Variants in DDX50 observed in about 807,000 individuals in gnomAD.
DDX50 encodes the protein ATP-dependent RNA helicase DDX50.
A neutral mutation model predicts 94.8 loss-of-function variants in DDX50; 56 were observed. The observed-to-expected ratio is 0.59, with a 90% CI of 0.48 to 0.74. The LOEUF (loss-of-function observed/expected upper bound fraction) is 0.74, where lower values mean the gene tolerates loss of function less well. DDX50 is among the 30% of genes least tolerant of loss of function. DDX50 has a pLI of 0.00. For missense variants in DDX50, 713 were observed against 881.2 expected (o/e 0.81, Z 2.42); for synonymous variants, 264 against 295.4 (o/e 0.89, Z 1.09).
intron 8 of DDX50, among the ~76,000 whole-genome samples, chr10:68,932,540 A>G (rs1042887116): frequency 5.3e-5 from 8 of 152,186 alleles, no homozygotes; most frequent in African/African-American, 1.9e-4. Context: ...GATTACAGGC[A>G]TGAGCCACTG....
chr10:68,910,372 G>C lies in DDX50; in HGVS notation c.450G>C (p.Lys150Asn). The change falls in exon 3 of 15, where the codon AAG becomes AAC. Residue 150 changes from lysine (K) to asparagine (N), a missense_variant. By Grantham distance (94) the Lys-to-Asn change is moderately conservative (BLOSUM62 0). This residue lies in a region of DDX50 where 285 missense variants were observed against 278.9 expected (regional missense o/e 1.02). Coordinates refer to ENST00000373585, the MANE Select transcript of DDX50 (RefSeq NM_024045.2). ...TTCCTATTTCTGAAGAGACTATAAA[G>C]CTTCTGAAAGGTATGCAGTTTGGTT... ...SNFPISEETI[K>N]LLKGRGVTYL... 1 of 1,603,980 alleles carries C rather than the reference G, an allele frequency of 6.2e-7. No homozygotes were observed. Among genetic ancestry groups the C allele is most frequent in the Non-Finnish European group, 8.5e-7 (1 of 1,177,050 alleles).
At chr10:68,902,190 CAAAAAAA>C (rs35302047) in intron 1 of DDX50, among the ~76,000 whole-genome samples, 14 of 94,320 alleles carry the variant, frequency 1.5e-4, no homozygotes, top group South Asian at 4.1e-4. Context: ...CCCTGCCCTC[CAAAAAAA>C]AAAAAAAAAA....
intron 7 of DDX50, 39 bp downstream of exon 7, chr10:68,914,243 T>C (rs767161870): frequency 6.2e-7 from 1 of 1,601,228 alleles, no homozygotes; most frequent in East Asian, 2.2e-5. Flanking sequence ...TAGCTTTTAG[T>C]TGGTATTTAC....
Position 68,910,333 on chromosome 10 carries a change from A to C in DDX50, c.411A>C (p.Gly137=), listed in dbSNP as rs774489293. 13 of 1,607,202 alleles carry C rather than the reference A, an allele frequency of 8.1e-6. No homozygotes were observed. In the East Asian group the frequency reaches 2.9e-4, roughly 36 times the overall value. ...CCTTAACACGTGAACAGAAAGAAGG[A>C]GCCTTCTCCAATTTTCCTATTTCTG... is the stretch of plus-strand genomic sequence containing the variant. The part of the protein sequence containing the change: ...EETLTREQKE[G]AFSNFPISEE... The change falls in exon 3 of 15, where the codon GGA becomes GGC. Residue 137 remains glycine, a synonymous_variant. Transcript: ENST00000373585.
intron 4 of DDX50, 39 bp from the exon 5 acceptor site, chr10:68,913,123 T>C (rs1465814919): frequency 6.6e-7 from 1 of 1,524,480 alleles, no homozygotes; most frequent in African/African-American, 1.4e-5. Flanking sequence ...GATATGTCTT[T>C]AGAAAAGTAT....
chr10:68,909,909 G>C (rs1841575270), intron 2 of DDX50, among the ~76,000 whole-genome samples: 1 of 152,170 alleles, frequency 6.6e-6, no homozygotes, highest in East Asian at 1.9e-4. Context: ...TGATCCACCT[G>C]CCTTGGCCTC....
At chr10:68,944,027 C>G (rs1192626573) in intron 14 of DDX50, among the ~76,000 whole-genome samples, 1 of 152,158 alleles carries the variant, frequency 6.6e-6, no homozygotes, top group East Asian at 1.9e-4. Flanking sequence ...ACCCACTTTT[C>G]TGCATTCTTT....
intron 3 of DDX50, among the ~76,000 whole-genome samples, chr10:68,910,835 T>C (rs972941947): frequency 3.3e-5 from 5 of 152,220 alleles, no homozygotes; most frequent in Non-Finnish European, 5.9e-5. Flanking sequence ...GCACTTACTT[T>C]TACATCATCC....
chr10:68,902,376 T>C (rs180789360), intron 1 of DDX50, among the ~76,000 whole-genome samples: 11 of 152,308 alleles, frequency 7.2e-5, no homozygotes, highest in East Asian at 1.9e-4. Flanking sequence ...ATGAGACTTA[T>C]TTTGTATAGC....
At chr10:68,930,633 A>G (rs903676552) in intron 8 of DDX50, among the ~76,000 whole-genome samples, 4 of 151,736 alleles carry the variant, frequency 2.6e-5, no homozygotes, top group Non-Finnish European at 5.9e-5. Flanking sequence ...TTTTGTGCAC[A>G]CACTCCATAC....
At chr10:68,944,385 T>A (rs534710288) in intron 14 of DDX50, among the ~76,000 whole-genome samples, 1 of 152,308 alleles carries the variant, frequency 6.6e-6, no homozygotes, top group Non-Finnish European at 1.5e-5. Flanking sequence ...ATTCCCATAA[T>A]GAAGAATTTG....
chr10:68,915,778 G>A (rs1841771300), intron 7 of DDX50, among the ~76,000 whole-genome samples: 1 of 151,982 alleles, frequency 6.6e-6, no homozygotes, highest in African/African-American at 2.4e-5. Flanking sequence ...AGGCAACTAG[G>A]TAACATGTCA....
chr10:68,910,744 A>G (rs1183423841), intron 3 of DDX50, among the ~76,000 whole-genome samples: 1 of 152,184 alleles, frequency 6.6e-6, no homozygotes, highest in Non-Finnish European at 1.5e-5. Flanking sequence ...AAAATCTATC[A>G]CTAGATTTTG....
chr10:68,922,981 G>A (rs184229581), intron 8 of DDX50, among the ~76,000 whole-genome samples: 2,345 of 150,064 alleles, frequency 0.016, 29 homozygotes, highest in Non-Finnish European at 0.023. Context: ...TAGCAGAGAC[G>A]GGTTTCACCA....
At chr10:68,928,698 A>G (rs1453277933) in intron 8 of DDX50, among the ~76,000 whole-genome samples, 1 of 152,180 alleles carries the variant, frequency 6.6e-6, no homozygotes, top group African/African-American at 2.4e-5. Flanking sequence ...ATCTGCCTCA[A>G]GAATACTAGA....
rs186227829 is a variant in DDX50, at chr10:68,902,733, G to A, written c.87+1262G>A. ...AAAACCAAGCAGGTATTTTAAAAAA[G>A]GCTTCTTTTGAAATTCTTGTCTTTT... On this transcript the variant is annotated intron_variant, in intron 1 of 14. Transcript: ENST00000373585. 3.2e-4 allele frequency among the ~76,000 whole-genome samples: 48 copies of A among 152,286 alleles called. No homozygotes were observed. In the East Asian group the frequency reaches 8.9e-3, roughly 28 times the overall value.
intron 2 of DDX50, among the ~76,000 whole-genome samples, chr10:68,907,667 A>G (rs1841498944): frequency 6.6e-6 from 1 of 151,932 alleles, no homozygotes; most frequent in Non-Finnish European, 1.5e-5. Context: ...GCTGATATTC[A>G]TATACATTTG....
chr10:68,931,173 A>G (rs1165374006), intron 8 of DDX50, among the ~76,000 whole-genome samples: 2 of 151,924 alleles, frequency 1.3e-5, no homozygotes, highest in Non-Finnish European at 2.9e-5. Flanking sequence ...CTTTCTGACC[A>G]GGATATAAAG....
At chr10:68,912,507 C>A (rs949844170) in intron 4 of DDX50, among the ~76,000 whole-genome samples, 5 of 152,140 alleles carry the variant, frequency 3.3e-5, no homozygotes, top group Non-Finnish European at 7.3e-5. Context: ...AGCCTCCACG[C>A]CTGGCCCCAA....
Sources: allele counts gnomAD v4.1 joint callset (sites outside exome capture counted in the v4.1 genomes callset), GRCh38; gene constraint gnomAD v4.1.1; regional missense constraint gnomAD v4.1.1; transcripts MANE v1.5; gene names NCBI Gene and HGNC (gene_info 2026-07-23, HGNC 2026-07-21).